The following P3H2 variants were observed in gnomAD, a reference collection of about 807,000 sequenced individuals.
P3H2 encodes leprecan-like 1.
A neutral mutation model predicts 87.0 loss-of-function variants in P3H2; 80 were observed. The ratio of observed to expected loss-of-function variants is 0.92; its 90% CI spans 0.77 to 1.11. The LOEUF is 1.11. Among genes scored for constraint, P3H2 ranks in the 50% least tolerant of loss-of-function variants. The pLI is 0.00. For missense variants in P3H2, 1,001 were observed against 923.9 expected, an observed-to-expected ratio of 1.08 and a Z score of -1.08; for synonymous variants, 367 against 359.3, an observed-to-expected ratio of 1.02 and a Z score of -0.24.
Position 190,112,438 on chromosome 3 carries a change from G to C in P3H2, c.480+7814C>G, listed in dbSNP as rs115549145. On this transcript the variant is annotated intron_variant, in intron 1 of 14. Transcript: ENST00000319332. ...GACATAAAAACAGTATCAAAAAGTA[G>C]ATATCTATGACGGTTTATCAGATTA... 9.1e-3 allele frequency among the ~76,000 whole-genome samples: 1,381 copies of C among 152,252 alleles called. 24 individuals carry two copies. The highest frequency in any genetic ancestry group is 0.03 in the African/African-American group (1,234 of 41,524).
chr3:190,000,418 T>C (rs11708100), intron 1 of P3H2, among the ~76,000 whole-genome samples: 45,479 of 152,124 alleles, frequency 0.3, 7,178 homozygotes, highest in East Asian at 0.49. Context: ...AGGCCCTCCT[T>C]TCTATAACAA....
At chr3:190,002,036 G>A (rs1366095704) in intron 1 of P3H2, among the ~76,000 whole-genome samples, 2 of 152,148 alleles carry the variant, frequency 1.3e-5, no homozygotes, top group Non-Finnish European at 1.5e-5. Context: ...ATGGGCTTAT[G>A]AATGAGAATT....
chr3:189,993,176 G>T (rs921858759), intron 3 of P3H2, among the ~76,000 whole-genome samples: 2 of 152,014 alleles, frequency 1.3e-5, no homozygotes, highest in Admixed American at 6.6e-5. Context: ...TACAAAATTA[G>T]TTGGGTCTGG....
At chr3:190,091,487 T>G (rs1727407607) in intron 1 of P3H2, among the ~76,000 whole-genome samples, 1 of 152,234 alleles carries the variant, frequency 6.6e-6, no homozygotes, top group Admixed American at 6.5e-5. Context: ...AGAAAGGAAG[T>G]GTTACTACAA....
intron 4 of P3H2, 96 bp from the exon 5 acceptor site, chr3:189,987,765 A>G: frequency 7.3e-7 from 1 of 1,374,312 alleles, no homozygotes; most frequent in Non-Finnish European, 1.0e-6. Flanking sequence ...GGTCAGCATT[A>G]AACATGAATA....
intron 1 of P3H2, among the ~76,000 whole-genome samples, chr3:190,109,845 CTTTTTTT>C (rs141845406): frequency 3.2e-5 from 4 of 124,576 alleles, no homozygotes; most frequent in Non-Finnish European, 3.3e-5. Flanking sequence ...GATGCCCAGT[CTTTTTTT>C]TTTTTTTTTT....
At chr3:190,046,403 C>T (rs2693033) in intron 1 of P3H2, among the ~76,000 whole-genome samples, 123,346 of 152,174 alleles carry the variant, frequency 0.81, 50,141 homozygotes, top group East Asian at 0.88. Context: ...GTTTCAATTA[C>T]GTGGAAGATG....
chr3:190,109,641 T>C (rs745789688), intron 1 of P3H2, among the ~76,000 whole-genome samples: 2 of 152,202 alleles, frequency 1.3e-5, no homozygotes, highest in Non-Finnish European at 2.9e-5. Flanking sequence ...ACTGTAGCTA[T>C]GGAGAACCAG....
intron 1 of P3H2, among the ~76,000 whole-genome samples, chr3:190,102,786 A>T (rs1374802005): frequency 6.6e-6 from 1 of 152,246 alleles, no homozygotes; most frequent in Non-Finnish European, 1.5e-5. Context: ...CAAACAGCAC[A>T]GTATGCTACA....
Position 190,095,755 on chromosome 3 carries a change from C to T in P3H2, c.480+24497G>A, listed in dbSNP as rs559226665. Among the ~76,000 whole-genome samples, 9 of 152,120 alleles carry T rather than the reference C, an allele frequency of 5.9e-5. No individual in the cohort carries two copies. The South Asian group carries it at 1.0e-3, about 18-fold the overall frequency. On this transcript the variant is annotated intron_variant, in intron 1 of 14. Transcript: ENST00000319332. ...AGCTGGGACTACAGGCGCCCGCCAC[C>T]ACGCCTGGCTAATTATTTTTGTATT...
At chr3:189,998,171 A>G (rs1277098981) in intron 1 of P3H2, among the ~76,000 whole-genome samples, 1 of 149,648 alleles carries the variant, frequency 6.7e-6, no homozygotes, top group Non-Finnish European at 1.5e-5. Flanking sequence ...TATAGCTCCC[A>G]TGAACACATA....
intron 1 of P3H2, among the ~76,000 whole-genome samples, chr3:190,072,606 T>C (rs1172699234): frequency 6.6e-6 from 1 of 152,198 alleles, no homozygotes; most frequent in African/African-American, 2.4e-5. Context: ...TATTTATTAG[T>C]GCAAAACTGC....
At chr3:190,094,640 G>A (rs1486029996) in intron 1 of P3H2, among the ~76,000 whole-genome samples, 1 of 152,200 alleles carries the variant, frequency 6.6e-6, no homozygotes, top group South Asian at 2.1e-4. Flanking sequence ...CAACAACAGT[G>A]GGGTACTGGG....
At chr3:190,028,785 T>C (rs1725164442) in intron 1 of P3H2, among the ~76,000 whole-genome samples, 1 of 152,196 alleles carries the variant, frequency 6.6e-6, no homozygotes, top group Non-Finnish European at 1.5e-5. Flanking sequence ...ATGGAGACAC[T>C]CTATGTTTTA....
chr3:190,034,871 C>T (rs545879671), intron 1 of P3H2, among the ~76,000 whole-genome samples: 23 of 133,196 alleles, frequency 1.7e-4, no homozygotes, highest in African/African-American at 4.0e-4. Context: ...TTTTTTGAGA[C>T]GGCATTTCAC....
At chr3:190,018,440 G>C (rs1479896083) in intron 1 of P3H2, among the ~76,000 whole-genome samples, 1 of 152,118 alleles carries the variant, frequency 6.6e-6, no homozygotes, top group Non-Finnish European at 1.5e-5. Flanking sequence ...AGGTGTAGTG[G>C]CTCCTTCTTG....
chr3:190,007,367 AG>A (rs1285040243), intron 1 of P3H2, among the ~76,000 whole-genome samples: 3 of 152,224 alleles, frequency 2.0e-5, no homozygotes, highest in African/African-American at 7.2e-5. Context: ...CAATGGAAAT[AG>A]TATTTTTTAG....
At position 189,960,221 on chromosome 3, in the gene P3H2, G is replaced by A. The variant is rs115077692; in HGVS notation, c.2035-2217C>T. Among the ~76,000 whole-genome samples the A allele has an allele frequency of 3.2e-3, 481 of 152,156 alleles. 2 individuals carry two copies. The highest frequency in any genetic ancestry group is 0.018 in the South Asian group (88 of 4,822). The stretch of plus-strand genomic sequence containing the variant: ...GTTTGGCGAGGCCTCACAATTTGCC[G>A]CTCCTACCCTTTCACTCCAGAATCA... On this transcript the variant is annotated intron_variant, in intron 14 of 14. Transcript: ENST00000319332.
At chr3:190,021,035 CAGGACCCT>C (rs1255533305) in intron 1 of P3H2, among the ~76,000 whole-genome samples, 1 of 134,172 alleles carries the variant, frequency 7.5e-6, no homozygotes, top group Non-Finnish European at 1.7e-5. Context: ...TCTGAGACCC[CAGGACCCT>C]AAGTAACCAT....
Sources: allele counts gnomAD v4.1 joint callset (sites outside exome capture counted in the v4.1 genomes callset), GRCh38; gene constraint gnomAD v4.1.1; transcripts MANE v1.5; gene names NCBI Gene and HGNC (gene_info 2026-07-23, HGNC 2026-07-21).